The following CSDE1 variants were observed in gnomAD, a reference collection of about 807,000 sequenced individuals.
CSDE1 encodes the protein cold shock domain containing E1, also known as cold shock domain-containing protein E1.
CSDE1 carries 17 observed loss-of-function variants against 89.3 expected under a neutral mutation model. The ratio of observed to expected loss-of-function variants is 0.19; its 90% confidence interval spans 0.13 to 0.29. The LOEUF (loss-of-function observed/expected upper bound fraction) is 0.29. CSDE1 is among the 10% of genes least tolerant of loss of function. The pLI is 1.00. For missense variants in CSDE1, 672 were observed against 984.2 expected (o/e 0.68, Z 4.24); for synonymous variants, 322 against 332.8 (o/e 0.97, Z 0.35).
chr1:114,737,941 A>C, intron 4 of CSDE1, 22 bp downstream of exon 4: 1 of 1,528,502 alleles, frequency 6.5e-7, no homozygotes, highest in Non-Finnish European at 9.1e-7. Flanking sequence ...CTAAAAAAAC[A>C]CAAAGCATCA....
At chr1:114,739,576 TA>T (rs1209319020) in intron 3 of CSDE1, 115 bp downstream of exon 3, 3 of 834,548 alleles carry the variant, frequency 3.6e-6, no homozygotes, top group Non-Finnish European at 3.9e-6. Context: ...ACAGTACAAC[TA>T]AAAGTCCAAA....
intron 6 of CSDE1, among the ~76,000 whole-genome samples, chr1:114,735,283 C>T (rs917886091): frequency 1.5e-4 from 23 of 152,110 alleles, no homozygotes; most frequent in Non-Finnish European, 2.6e-4. Context: ...ACCTATACAC[C>T]AAGCAATTAC....
Position 114,718,000 on chromosome 1 carries a change from AT to A in CSDE1, c.*168del. 1 of 622,966 alleles carries A rather than the reference AT, an allele frequency of 1.6e-6. No homozygotes were observed. The highest frequency in any genetic ancestry group is 2.7e-6 in the Non-Finnish European group (1 of 370,452). 38.6% of individuals were successfully genotyped at this position (622,966 alleles called of 1,614,324 possible). A position where few individuals can be genotyped will look rare whatever the true frequency, so the allele number is the denominator to read the frequency against. On this transcript the variant is annotated 3_prime_UTR_variant, in exon 20 of 20. Transcript: ENST00000358528. ...TATTTAAAATGGTTTTCTTAAATTT[AT>A]TTATTTTTTTAAACATAACACGAGG...
At position 114,755,108 on chromosome 1, in the gene CSDE1, ACT is replaced by A. The variant is rs201423580; in HGVS notation, c.-388+2815_-388+2816del. On this transcript the variant is annotated intron_variant, in intron 1 of 19. Coordinates refer to ENST00000358528, the MANE Select transcript of CSDE1 (RefSeq NM_001007553.3). ...AGGCAATCAATGTAAAAAAATTGAC[ACT>A]GTTACATTCCTTGAAATCCAATGTT... Among the ~76,000 whole-genome samples the A allele has an allele frequency of 3.9e-3, 598 of 152,370 alleles. 6 individuals are homozygous for A. Among genetic ancestry groups the A allele is most frequent in the African/African-American group, 0.014 (568 of 41,592 alleles).
chr1:114,729,921 A>T lies in CSDE1; in HGVS notation c.1356+337T>A, dbSNP rs1660011552. 2.0e-5 allele frequency among the ~76,000 whole-genome samples: 3 copies of T among 152,074 alleles called. No homozygotes were observed. The South Asian group carries it at 6.2e-4, about 31-fold the overall frequency. On this transcript the variant is annotated intron_variant, in intron 12 of 19. Coordinates refer to ENST00000358528, the MANE Select transcript of CSDE1 (RefSeq NM_001007553.3). ...TTTATATAACTAGTTCTCTACTTGGAATGAGTTTGCCTCCCAGGGGACATT... is the reference window on the plus strand; with the variant it reads ...TTTATATAACTAGTTCTCTACTTGGTATGAGTTTGCCTCCCAGGGGACATT...
intron 12 of CSDE1, among the ~76,000 whole-genome samples, chr1:114,729,114 T>C (rs1372607678): frequency 6.6e-6 from 1 of 152,136 alleles, no homozygotes; most frequent in African/African-American, 2.4e-5. Flanking sequence ...AATTTTTTTT[T>C]TGGAGACGGA....
intron 17 of CSDE1, 59 bp from the exon 18 acceptor site, chr1:114,719,801 C>A: frequency 6.7e-7 from 1 of 1,489,550 alleles, no homozygotes; most frequent in South Asian, 1.2e-5. Context: ...CTGAATGAAG[C>A]ACAATGCCTG....
At chr1:114,737,916 T>C (rs1358361342) in intron 4 of CSDE1, 47 bp downstream of exon 4, 9 of 1,236,270 alleles carry the variant, frequency 7.3e-6, no homozygotes, top group Admixed American at 1.7e-5. Context: ...GTGAAAGATA[T>C]GCAAATGCAG....
chr1:114,741,494 A>G, intron 2 of CSDE1: 1 of 1,532,344 alleles, frequency 6.5e-7, no homozygotes, highest in Non-Finnish European at 8.8e-7. Context: ...ACACAAAGCA[A>G]GGTAAGCTGA....
chr1:114,720,040 T>C (rs113707123), intron 17 of CSDE1, among the ~76,000 whole-genome samples: 1 of 152,236 alleles, frequency 6.6e-6, no homozygotes, highest in African/African-American at 2.4e-5. Flanking sequence ...TATATATTGT[T>C]TGGATCCCCT....
intron 2 of CSDE1, among the ~76,000 whole-genome samples, chr1:114,742,075 A>G (rs1338181850): frequency 6.6e-6 from 1 of 152,208 alleles, no homozygotes; most frequent in East Asian, 1.9e-4. Context: ...ATGAGCTTTT[A>G]TAAATATTTA....
chr1:114,745,513 C>A (rs78089201), intron 2 of CSDE1, among the ~76,000 whole-genome samples: 1 of 152,322 alleles, frequency 6.6e-6, no homozygotes, highest in East Asian at 1.9e-4. Flanking sequence ...ACTTAGCCAT[C>A]TTAAGGGCAC....
chr1:114,757,570 A>G (rs913981709), intron 1 of CSDE1, among the ~76,000 whole-genome samples: 1 of 152,016 alleles, frequency 6.6e-6, no homozygotes, highest in Non-Finnish European at 1.5e-5. Context: ...GCCAGACTAC[A>G]GATCCCAGCA....
At position 114,733,754 on chromosome 1, in the gene CSDE1, G is replaced by T. The variant is rs1476566601; in HGVS notation, c.815C>A (p.Pro272Gln). 1 of 1,613,560 alleles carries T rather than the reference G, an allele frequency of 6.2e-7. No individual in the cohort carries two copies. The highest frequency in any genetic ancestry group is 8.5e-7 in the Non-Finnish European group (1 of 1,179,822). Residue 272 changes from proline to glutamine, a missense_variant, in exon 9 of 20, where the codon CCA (proline) becomes CAA (glutamine). This residue lies in a region of CSDE1 where 169 missense variants were observed against 262.9 expected (regional missense o/e 0.64). Transcript: ENST00000358528. The stretch of plus-strand genomic sequence containing the variant: ...TACCTGGTTTTTACTGGGTACTTTT[G>T]GGATAACTTTGGTTACAGTTCCTTC... ...HFEGTVTKVIPKVPSKNQNDP... is the reference protein window; with the variant it reads ...HFEGTVTKVIQKVPSKNQNDP...
intron 1 of CSDE1, among the ~76,000 whole-genome samples, chr1:114,750,598 A>G (rs906533090): frequency 1.3e-5 from 2 of 152,232 alleles, no homozygotes; most frequent in African/African-American, 4.8e-5. Flanking sequence ...ATGGAAAAAA[A>G]AAACAGAGTA....
rs1659211950 is a variant in CSDE1 at position 114,717,027 on chromosome 1, C to CA, written c.*1141_*1142insT. 6.5e-6 allele frequency: 1 copy of CA among 152,710 alleles called. No individual in the cohort carries two copies. Among genetic ancestry groups the CA allele is most frequent in the Non-Finnish European group, 1.5e-5 (1 of 68,092 alleles). 9.5% of individuals were successfully genotyped at this position (152,710 alleles called of 1,614,324 possible). ...TTACAAAGATAAACGGCCTCTTTAC[C>CA]CAGAGATCAAAACCTCAAACGACAA... On this transcript the variant is annotated 3_prime_UTR_variant, in exon 20 of 20. Coordinates refer to ENST00000358528, the MANE Select transcript of CSDE1 (RefSeq NM_001007553.3).
At position 114,718,100 on chromosome 1, in the gene CSDE1, T is replaced by C. The variant is rs553300119; in HGVS notation, c.*69A>G. On this transcript the variant is annotated 3_prime_UTR_variant, in exon 20 of 20. Transcript: ENST00000358528. ...TTCGGGAGGGATGAAGAGGGAGATA[T>C]TCAGAACCCTTCACCAGATTCCCCC... 26 of 1,545,746 alleles carry C rather than the reference T, an allele frequency of 1.7e-5. No individual in the cohort carries two copies. Among genetic ancestry groups the C allele is most frequent in the South Asian group, 1.5e-4 (13 of 89,000 alleles).
chr1:114,730,135 AAT>A (rs1304506412), intron 12 of CSDE1, 121 bp downstream of exon 12: 19 of 1,110,510 alleles, frequency 1.7e-5, no homozygotes, highest in Admixed American at 4.8e-5. Flanking sequence ...GTTCACTGTT[AAT>A]ATGACAGAAA....
chr1:114,734,587 T>G, intron 6 of CSDE1, 64 bp from the exon 7 acceptor site: 2 of 1,277,528 alleles, frequency 1.6e-6, no homozygotes, highest in Non-Finnish European at 2.2e-6. Context: ...TTGGCCTGCT[T>G]AGATATGAGT....
Sources: allele counts gnomAD v4.1 joint callset (sites outside exome capture counted in the v4.1 genomes callset), GRCh38; gene constraint gnomAD v4.1.1; regional missense constraint gnomAD v4.1.1; transcripts MANE v1.5; gene names NCBI Gene and HGNC (gene_info 2026-07-23, HGNC 2026-07-21).